DHTKD1: variants seen among roughly 807,000 people sequenced by gnomAD.
DHTKD1 encodes 2-oxoadipate dehydrogenase complex component E1.
Under a neutral mutation model 101.8 loss-of-function variants are expected in DHTKD1, and 78 were observed. That is an observed-to-expected ratio of 0.77 (90% confidence interval 0.64 to 0.93). DHTKD1 has a LOEUF of 0.93. Among genes scored for constraint, DHTKD1 ranks in the 40% least tolerant of loss-of-function variants. The pLI is 0.00. For synonymous variants in DHTKD1, 462 were observed against 450.3 expected (o/e 1.03, Z -0.33); for missense variants, 1,223 against 1,161.7 (o/e 1.05, Z -0.77).
At chr10:12,113,821 G>A (rs1488821705) in intron 13 of DHTKD1, among the ~76,000 whole-genome samples, 1 of 152,108 alleles carries the variant, frequency 6.6e-6, no homozygotes, top group Non-Finnish European at 1.5e-5. Flanking sequence ...TCAGGAGGCT[G>A]AGATGGGAGC....
intron 5 of DHTKD1, among the ~76,000 whole-genome samples, chr10:12,090,678 G>A (rs1431274190): frequency 6.6e-6 from 1 of 151,956 alleles, no homozygotes; most frequent in East Asian, 1.9e-4. Flanking sequence ...GTGGAGACAT[G>A]ATCTTGCTGG....
At chr10:12,088,171 A>G (rs11257529) in intron 4 of DHTKD1, among the ~76,000 whole-genome samples, 17,862 of 150,974 alleles carry the variant, frequency 0.12, 1,380 homozygotes, top group South Asian at 0.35. Flanking sequence ...TAGGAAGTCA[A>G]CTAAGGCTGG....
intron 7 of DHTKD1, among the ~76,000 whole-genome samples, chr10:12,097,021 G>A (rs1041253785): frequency 6.6e-6 from 1 of 152,106 alleles, no homozygotes; most frequent in African/African-American, 2.4e-5. Flanking sequence ...CAGTTGCCTG[G>A]AAAAGAGGTT....
chr10:12,092,273 A>G (rs892369673), intron 6 of DHTKD1, among the ~76,000 whole-genome samples: 32 of 152,064 alleles, frequency 2.1e-4, no homozygotes, highest in African/African-American at 7.7e-4. Flanking sequence ...GTGAGCCACC[A>G]TGCCCAGCCT....
chr10:12,069,684 CTTTTTTTTTTTTT>C (rs11292752), intron 1 of DHTKD1, among the ~76,000 whole-genome samples: 4 of 25,484 alleles, frequency 1.6e-4, no homozygotes, highest in African/African-American at 2.5e-4. Context: ...CCACGCCCAG[CTTTTTTTTTTTTT>C]TTTTTTTTTT....
intron 2 of DHTKD1, among the ~76,000 whole-genome samples, chr10:12,084,064 A>C (rs931655489): frequency 6.6e-6 from 1 of 152,040 alleles, no homozygotes; most frequent in East Asian, 2.0e-4. Flanking sequence ...CTGGGACTAC[A>C]GGCGCACGCT....
intron 7 of DHTKD1, 75 bp from the exon 8 acceptor site, chr10:12,097,609 T>A: frequency 2.2e-6 from 3 of 1,345,420 alleles, no homozygotes; most frequent in Non-Finnish European, 3.1e-6. Context: ...CCACCGCCCT[T>A]GACAGTGACT....
chr10:12,074,316 G>A (rs1365709157), intron 1 of DHTKD1, among the ~76,000 whole-genome samples: 1 of 152,076 alleles, frequency 6.6e-6, no homozygotes, highest in African/African-American at 2.4e-5. Flanking sequence ...CAGTAGCTGA[G>A]ATCACAGGCA....
intron 8 of DHTKD1, 93 bp downstream of exon 8, chr10:12,098,089 T>C: frequency 8.5e-7 from 1 of 1,179,354 alleles, no homozygotes; most frequent in East Asian, 2.4e-5. Flanking sequence ...TCTGATTCAT[T>C]TGACAAATAT....
chr10:12,081,160 G>A (rs751300452), intron 1 of DHTKD1, among the ~76,000 whole-genome samples: 4 of 151,406 alleles, frequency 2.6e-5, no homozygotes, highest in Non-Finnish European at 5.9e-5. Context: ...AATTAGCCAG[G>A]CTACTTGGGA....
intron 7 of DHTKD1, among the ~76,000 whole-genome samples, chr10:12,095,770 A>G (rs1363925572): frequency 1.5e-5 from 2 of 136,678 alleles, no homozygotes; most frequent in Non-Finnish European, 3.1e-5. Flanking sequence ...CCCAGATCGC[A>G]CCACTGCACT....
intron 7 of DHTKD1, among the ~76,000 whole-genome samples, chr10:12,095,385 T>A (rs1833050704): frequency 6.6e-6 from 1 of 152,144 alleles, no homozygotes; most frequent in African/African-American, 2.4e-5. Flanking sequence ...AAATAAAATA[T>A]GTTATTGAAA....
At chr10:12,101,874 G>GT (rs1833175612) in intron 10 of DHTKD1, among the ~76,000 whole-genome samples, 1 of 152,166 alleles carries the variant, frequency 6.6e-6, no homozygotes, top group African/African-American at 2.4e-5. Flanking sequence ...AGCACTGGAA[G>GT]TATAGGTGTG....
At chr10:12,078,501 A>G (rs987108932) in intron 1 of DHTKD1, among the ~76,000 whole-genome samples, 6 of 151,944 alleles carry the variant, frequency 3.9e-5, no homozygotes, top group Admixed American at 3.9e-4. Context: ...AACCCCAGCT[A>G]CTTGGAGACT....
chr10:12,118,622 T>C, intron 14 of DHTKD1, 127 bp from the exon 15 acceptor site: 2 of 527,592 alleles, frequency 3.8e-6, no homozygotes, highest in Non-Finnish European at 6.6e-6. Flanking sequence ...GACCTCGTGA[T>C]CCGCCCGCCT....
chr10:12,107,638 G>A lies in DHTKD1; in HGVS notation c.2048-271G>A, dbSNP rs1327446275. Among the ~76,000 whole-genome samples the A allele has an allele frequency of 1.3e-5, 2 of 150,880 alleles. No individual in the cohort carries two copies. The highest frequency in any genetic ancestry group is 4.9e-5 in the African/African-American group (2 of 41,014). On this transcript the variant is annotated intron_variant, in intron 11 of 16. Coordinates refer to ENST00000263035, the MANE Select transcript of DHTKD1 (RefSeq NM_018706.7). This position sits in a 1 kb window ranked among gnomAD's most constrained non-coding sequence, Gnocchi z 4.1. ...TCACCATGTTGGCCAGGCTGGTCTC[G>A]AACACCTGACCTCAAGTGATCTATC...
intron 1 of DHTKD1, among the ~76,000 whole-genome samples, chr10:12,072,158 T>G (rs530397184): frequency 1.3e-5 from 2 of 152,120 alleles, no homozygotes; most frequent in South Asian, 4.2e-4. Context: ...AGACTTCCCT[T>G]GTATTAAGGC....
Position 12,087,108 on chromosome 10 carries a change from G to A in DHTKD1, c.523-427G>A, listed in dbSNP as rs555081532. Among the ~76,000 whole-genome samples the A allele has an allele frequency of 6.6e-6, 1 of 152,302 alleles. No homozygotes were observed. Among genetic ancestry groups the A allele is most frequent in the South Asian group, 2.1e-4 (1 of 4,826 alleles). On this transcript the variant is annotated intron_variant, in intron 3 of 16. Coordinates refer to ENST00000263035, the MANE Select transcript of DHTKD1 (RefSeq NM_018706.7). This position sits in a 1 kb window ranked among gnomAD's most constrained non-coding sequence, Gnocchi z 5.2. ...ATGGAACTGAACCTCTGCTGGGGCTGTGACCAGGACTCTGGAATGTCAAGA... is the reference window on the plus strand; with the variant it reads ...ATGGAACTGAACCTCTGCTGGGGCTATGACCAGGACTCTGGAATGTCAAGA...
At chr10:12,095,643 C>G (rs1395715344) in intron 7 of DHTKD1, among the ~76,000 whole-genome samples, 2 of 151,828 alleles carry the variant, frequency 1.3e-5, no homozygotes, top group Admixed American at 1.3e-4. Context: ...GAAACCGCGT[C>G]TCTACTAAAA....
Sources: gnomAD v4.1 joint callset for allele counts (sites outside exome capture counted in the v4.1 genomes callset) on GRCh38, gnomAD v4.1.1 for gene constraint, Gnocchi (gnomAD v3.1) non-coding constraint, MANE v1.5 for transcripts, NCBI Gene and HGNC (gene_info 2026-07-23, HGNC 2026-07-21) for gene names.